Variants in VPS13D observed in about 807,000 individuals in gnomAD.
VPS13D encodes the protein vacuolar protein sorting 13 homolog D.
In VPS13D, 187 loss-of-function variants were observed where a neutral mutation model predicts 461.9. The ratio of observed to expected loss-of-function variants is 0.40; its 90% confidence interval spans 0.36 to 0.46. VPS13D has a LOEUF of 0.46. VPS13D is among the 20% of genes least tolerant of loss of function. The pLI, the probability that VPS13D is intolerant of heterozygous loss-of-function variation, is 0.60. For synonymous variants in VPS13D, 1,951 were observed against 1,986.3 expected (o/e 0.98, Z 0.47); for missense variants, 4,711 against 5,364.9 (o/e 0.88, Z 3.81).
chr1:12,276,085 G>C lies in VPS13D; in HGVS notation c.2497G>C (p.Asp833His). 1 of 1,614,134 alleles carries C rather than the reference G, an allele frequency of 6.2e-7. No homozygotes were observed. The highest frequency in any genetic ancestry group is 8.5e-7 in the Non-Finnish European group (1 of 1,180,034). Residue 833 changes from aspartate (D) to histidine (H), a missense_variant, in exon 19 of 70, where the codon GAC (aspartate) becomes CAC (histidine). Asp to His is a moderately conservative substitution (Grantham distance 81). Around this residue, in one of 3 missense-constraint regions of VPS13D, gnomAD observed 4,411 missense variants for 4,937.8 expected, o/e 0.89. Transcript: ENST00000620676. This position sits in a 1 kb window ranked among gnomAD's most constrained non-coding sequence, Gnocchi z 4.5. ...DLQIMVGRVK[D>H]NWKHVQDIDV... ...CCAGATCATGGTTGGACGAGTGAAA[G>C]ACAATTGGAAGCATGTCCAGGATAT...
At chr1:12,247,054 T>C (rs1311481276) in intron 5 of VPS13D, among the ~76,000 whole-genome samples, 1 of 152,180 alleles carries the variant, frequency 6.6e-6, no homozygotes, top group African/African-American at 2.4e-5. Flanking sequence ...ACTACCAAAC[T>C]GTTTTCCAAA....
In VPS13D at chr1:12,383,053, G is replaced by A. The variant is rs77496111; in HGVS notation, c.11268G>A (p.Gly3756=). 12 of 1,613,986 alleles carry A rather than the reference G, an allele frequency of 7.4e-6. No individual in the cohort carries two copies. The African/African-American group carries it at 1.5e-4, about 20-fold the overall frequency. Residue 3756 remains glycine (G), a synonymous_variant, in exon 58 of 70, where the codon GGG becomes GGA. Transcript: ENST00000620676. ...LGPDTSMELL[G]PVPPEQQFIN... ...CTGACACTTCCATGGAGCTTTTGGGGCCAGTTCCACCTGAACAACAATTTA... is the reference window on the plus strand; with the variant it reads ...CTGACACTTCCATGGAGCTTTTGGGACCAGTTCCACCTGAACAACAATTTA...
chr1:12,378,386 C>G, intron 55 of VPS13D, 42 bp from the exon 56 acceptor site: 1 of 1,519,400 alleles, frequency 6.6e-7, no homozygotes, highest in Non-Finnish European at 8.8e-7. Context: ...CTGTGGCTGC[C>G]CATAATGGCT....
rs1382242380 is a variant in VPS13D at position 12,505,113 on chromosome 1, T to C, written c.12795-1740T>C. On this transcript the variant is annotated intron_variant, in intron 68 of 69. Coordinates refer to ENST00000620676, the MANE Select transcript of VPS13D (RefSeq NM_015378.4). This position sits in a 1 kb window ranked among gnomAD's most constrained non-coding sequence, Gnocchi z 4.2. ...GAGCCCGTGACGGCCTCAGTGGCTGTGCACCAGGCCCACCGATGCTCAGGG... is the reference window on the plus strand; with the variant it reads ...GAGCCCGTGACGGCCTCAGTGGCTGCGCACCAGGCCCACCGATGCTCAGGG... Among the ~76,000 whole-genome samples the C allele has an allele frequency of 6.6e-6, 1 of 152,186 alleles. No homozygotes were observed. Among genetic ancestry groups the C allele is most frequent in the African/African-American group, 2.4e-5 (1 of 41,450 alleles).
Position 12,275,922 on chromosome 1 carries a change from C to T in VPS13D, c.2334C>T (p.Thr778=). ...YKTPLATPPN[T]PPPESSSSNG... ...CCCCCCTGGCCACACCTCCTAACACCCCACCTCCCGAGTCAAGCAGCAGCA... is the reference window on the plus strand; with the variant it reads ...CCCCCCTGGCCACACCTCCTAACACTCCACCTCCCGAGTCAAGCAGCAGCA... The change falls in exon 19 of 70, where the codon ACC becomes ACT. Residue 778 remains threonine (T), a synonymous_variant. Transcript: ENST00000620676. 2.5e-6 allele frequency: 4 copies of T among 1,613,796 alleles called. No homozygotes were observed. Among genetic ancestry groups the T allele is most frequent in the South Asian group, 1.1e-5 (1 of 91,066 alleles).
intron 55 of VPS13D, 34 bp from the exon 56 acceptor site, chr1:12,378,394 G>C (rs1451539304): frequency 6.5e-7 from 1 of 1,542,698 alleles, no homozygotes; most frequent in Non-Finnish European, 8.7e-7. Context: ...GCCCATAATG[G>C]CTCTTTCTCT....
intron 13 of VPS13D, among the ~76,000 whole-genome samples, chr1:12,266,243 G>A (rs1641262844): frequency 6.6e-6 from 1 of 152,206 alleles, no homozygotes; most frequent in African/African-American, 2.4e-5. Flanking sequence ...TAATGGCAGG[G>A]TTTGAGAGGA....
rs1642510760 is a variant in VPS13D at position 12,304,584 on chromosome 1, G to A, written c.6295G>A (p.Gly2099Arg). 1.2e-6 allele frequency: 2 copies of A among 1,614,116 alleles called. No individual in the cohort carries two copies. Among genetic ancestry groups the A allele is most frequent in the Non-Finnish European group, 1.7e-6 (2 of 1,180,028 alleles). ...AACGACAAGCACGGAGGAGCCCAGG[G>A]GAACCCATTCCCAGGGGCAGTTCAC... ...RKTTSTEEPRGTHSQGQFTMP... is the reference protein window; with the variant it reads ...RKTTSTEEPRRTHSQGQFTMP... The change falls in exon 26 of 70, where the codon GGA (glycine) becomes AGA (arginine). Residue 2099 changes from glycine to arginine, a missense_variant. Physicochemically the swap from Gly to Arg is moderately radical, Grantham distance 125. Around this residue, in one of 3 missense-constraint regions of VPS13D, gnomAD observed 4,411 missense variants for 4,937.8 expected, o/e 0.89. Coordinates refer to ENST00000620676, the MANE Select transcript of VPS13D (RefSeq NM_015378.4).
At chr1:12,384,548 G>T (rs1334865054) in intron 58 of VPS13D, among the ~76,000 whole-genome samples, 1 of 151,646 alleles carries the variant, frequency 6.6e-6, no homozygotes, top group Non-Finnish European at 1.5e-5. Flanking sequence ...CAGAACAAAG[G>T]AAAAAAAAGA....
intron 5 of VPS13D, among the ~76,000 whole-genome samples, chr1:12,248,171 G>T (rs1269140058): frequency 6.6e-6 from 1 of 152,142 alleles, no homozygotes; most frequent in African/African-American, 2.4e-5. Flanking sequence ...TTACAGGCAT[G>T]ATCCACCGTG....
intron 49 of VPS13D, among the ~76,000 whole-genome samples, chr1:12,356,917 G>A (rs1024557404): frequency 1.3e-5 from 2 of 152,164 alleles, no homozygotes; most frequent in African/African-American, 4.8e-5. Context: ...GAAGCCGTCA[G>A]CCTCATTAAT....
chr1:12,481,867 G>T (rs141247096), intron 67 of VPS13D, among the ~76,000 whole-genome samples: 1 of 152,338 alleles, frequency 6.6e-6, no homozygotes, highest in East Asian at 1.9e-4. Flanking sequence ...GGGCAAGCAA[G>T]GAGGCAGAGA....
intron 67 of VPS13D, among the ~76,000 whole-genome samples, chr1:12,474,480 C>T (rs1217491715): frequency 6.6e-6 from 1 of 151,286 alleles, no homozygotes; most frequent in Non-Finnish European, 1.5e-5. Context: ...GTCGGGGTCC[C>T]CTAGGTCTGT....
intron 14 of VPS13D, among the ~76,000 whole-genome samples, chr1:12,267,501 T>C (rs1382003012): frequency 6.6e-6 from 1 of 152,198 alleles, no homozygotes; most frequent in Non-Finnish European, 1.5e-5. Flanking sequence ...AACCCCTTAT[T>C]CTGTCCATAG....
At chr1:12,427,548 C>G (rs1000238843) in intron 65 of VPS13D, among the ~76,000 whole-genome samples, 1 of 151,782 alleles carries the variant, frequency 6.6e-6, no homozygotes, top group Non-Finnish European at 1.5e-5. Flanking sequence ...TGTCATTATT[C>G]CCTAAAGCAT....
chr1:12,269,076 T>C (rs1641359001), intron 16 of VPS13D, among the ~76,000 whole-genome samples, 200 bp downstream of exon 16: 1 of 152,240 alleles, frequency 6.6e-6, no homozygotes, highest in Admixed American at 6.5e-5. Flanking sequence ...GAAATCTATA[T>C]CCTTAAATAT....
At chr1:12,491,042 T>C (rs1313373458) in intron 67 of VPS13D, among the ~76,000 whole-genome samples, 3 of 152,238 alleles carry the variant, frequency 2.0e-5, no homozygotes, top group Non-Finnish European at 4.4e-5. Flanking sequence ...AACCCTGGTA[T>C]CTTGTAGCTG....
intron 28 of VPS13D, 29 bp downstream of exon 28, chr1:12,311,654 C>T (rs1291939043): frequency 1.2e-6 from 2 of 1,611,484 alleles, no homozygotes; most frequent in Non-Finnish European, 1.7e-6. Flanking sequence ...TCTTCTGTCA[C>T]TCTCATAGTC....
rs780118053 is a variant in VPS13D at position 12,356,014 on chromosome 1, C to T, written c.9795C>T (p.Thr3265=). The change falls in exon 48 of 70, where the codon ACC becomes ACT. Residue 3265 remains threonine, a synonymous_variant. Transcript: ENST00000620676. ...TCAACCGTCGGCAGCTGAACCTCACCATCCGGATTGTGTGTCGAGCAGAAG... is the reference window on the plus strand; with the variant it reads ...TCAACCGTCGGCAGCTGAACCTCACTATCCGGATTGTGTGTCGAGCAGAAG... The part of the protein sequence containing the change: ...YDVNRRQLNL[T]IRIVCRAEGS... The T allele has an allele frequency of 6.7e-5, 108 of 1,613,956 alleles. No homozygotes were observed. Among genetic ancestry groups the T allele is most frequent in the Non-Finnish European group, 8.7e-5 (103 of 1,179,966 alleles).
Sources: gnomAD v4.1 joint callset for allele counts (sites outside exome capture counted in the v4.1 genomes callset) on GRCh38, gnomAD v4.1.1 for gene constraint, gnomAD v4.1.1 regional missense constraint, Gnocchi (gnomAD v3.1) non-coding constraint, MANE v1.5 for transcripts, NCBI Gene and HGNC (gene_info 2026-07-23, HGNC 2026-07-21) for gene names.